Variants in MPDZ observed in about 807,000 individuals in gnomAD.
MPDZ encodes multiple PDZ domain crumbs cell polarity complex component.
In MPDZ, 234 loss-of-function variants were observed where a neutral mutation model predicts 239.1. The observed-to-expected ratio is 0.98, with a 90% confidence interval of 0.88 to 1.09. The LOEUF is 1.09. MPDZ is among the 50% of genes least tolerant of loss of function. The pLI is 0.00. For synonymous variants in MPDZ, 1,048 were observed against 881.3 expected, an observed-to-expected ratio of 1.19 and a Z score of -3.35; for missense variants, 3,175 against 2,510.0, an observed-to-expected ratio of 1.26 and a Z score of -5.66.
intron 25 of MPDZ, 98 bp from the exon 26 acceptor site, chr9:13,147,756 G>A: frequency 1.2e-6 from 1 of 827,252 alleles, no homozygotes; most frequent in Non-Finnish European, 1.9e-6. Flanking sequence ...TAGACTCCTA[G>A]AAAATCTGTT....
intron 3 of MPDZ, among the ~76,000 whole-genome samples, chr9:13,242,215 CTTTTTTTTTTTTTT>C (rs145555644): frequency 9.8e-5 from 5 of 50,792 alleles, no homozygotes; most frequent in Admixed American, 3.6e-4. Flanking sequence ...TGTTAGGATG[CTTTTTTTTTTTTTT>C]TTTTTTTTTT....
chr9:13,113,906 G>A (rs776220471), intron 41 of MPDZ, 25 bp downstream of exon 41: 8 of 1,542,124 alleles, frequency 5.2e-6, no homozygotes, highest in Admixed American at 3.8e-5. Context: ...TTCAAACCAT[G>A]TTTAAAATAC....
chr9:13,165,292 C>T, intron 22 of MPDZ: 2 of 1,487,594 alleles, frequency 1.3e-6, no homozygotes, highest in African/African-American at 1.4e-5. Context: ...TGGGACATTA[C>T]AAAAGCACAA....
intron 15 of MPDZ, among the ~76,000 whole-genome samples, chr9:13,190,643 G>C (rs1453280950): frequency 1.3e-5 from 2 of 151,984 alleles, no homozygotes; most frequent in African/African-American, 4.8e-5. Flanking sequence ...AAGCTATTTT[G>C]ATATTAAATA....
intron 18 of MPDZ, among the ~76,000 whole-genome samples, chr9:13,185,595 T>C (rs993657161): frequency 6.6e-6 from 1 of 152,130 alleles, no homozygotes; most frequent in Non-Finnish European, 1.5e-5. Context: ...AAATGTCACA[T>C]GTATATTCAT....
chr9:13,188,642 T>C, intron 17 of MPDZ, 142 bp downstream of exon 17: 1 of 594,378 alleles, frequency 1.7e-6, no homozygotes, highest in Non-Finnish European at 2.9e-6. Flanking sequence ...ACTAAATCTT[T>C]ATACGAATGG....
intron 21 of MPDZ, 32 bp downstream of exon 21, chr9:13,175,720 G>A: frequency 1.5e-6 from 2 of 1,349,874 alleles, no homozygotes; most frequent in Non-Finnish European, 1.0e-6. Context: ...GGGGGTTGAG[G>A]AGTAGGTATA....
rs139867398 is a variant in MPDZ, at chr9:13,147,995, C to A, written c.3631-337G>T. Among the ~76,000 whole-genome samples the A allele has an allele frequency of 8.6e-3, 1,302 of 152,104 alleles. 18 individuals are homozygous for A. Among genetic ancestry groups the A allele is most frequent in the African/African-American group, 0.03 (1,235 of 41,524 alleles). ...AAAATTATATGAGGGAACTATCTAGCAGCACTGTCTTCATCATGAAAGTCA... is the reference window on the plus strand; with the variant it reads ...AAAATTATATGAGGGAACTATCTAGAAGCACTGTCTTCATCATGAAAGTCA... On this transcript the variant is annotated intron_variant, in intron 25 of 46. Coordinates refer to ENST00000319217, the MANE Select transcript of MPDZ (RefSeq NM_001378778.1).
intron 19 of MPDZ, among the ~76,000 whole-genome samples, chr9:13,179,396 C>A (rs898896916): frequency 6.6e-6 from 1 of 152,130 alleles, no homozygotes; most frequent in East Asian, 1.9e-4. Flanking sequence ...CAAAAGAGGT[C>A]AAGTCGCCCT....
chr9:13,186,485 G>C, intron 17 of MPDZ, 99 bp from the exon 18 acceptor site: 3 of 776,938 alleles, frequency 3.9e-6, no homozygotes, highest in Non-Finnish European at 6.4e-6. Flanking sequence ...AGGGGGGCGA[G>C]AAGAGAAAGA....
intron 21 of MPDZ, among the ~76,000 whole-genome samples, chr9:13,173,194 G>T (rs953388687): frequency 6.6e-6 from 1 of 152,150 alleles, no homozygotes; most frequent in African/African-American, 2.4e-5. Flanking sequence ...GAGATGGATG[G>T]TGATGATGGC....
At chr9:13,132,532 G>C (rs927334977) in intron 32 of MPDZ, among the ~76,000 whole-genome samples, 2 of 152,076 alleles carry the variant, frequency 1.3e-5, no homozygotes, top group African/African-American at 4.8e-5. Flanking sequence ...AAATAGATGT[G>C]GAAACAGAAA....
intron 22 of MPDZ, among the ~76,000 whole-genome samples, chr9:13,167,238 A>T (rs1185329156): frequency 6.6e-6 from 1 of 152,098 alleles, no homozygotes. Flanking sequence ...ATTTTTAATG[A>T]TGTTTACTTG....
chr9:13,212,000 C>T (rs942002629), intron 10 of MPDZ, among the ~76,000 whole-genome samples: 2 of 151,854 alleles, frequency 1.3e-5, no homozygotes, highest in Non-Finnish European at 2.9e-5. Flanking sequence ...AAAAAAATGG[C>T]AAAAATCTCC....
chr9:13,193,093 T>A (rs1263507375), intron 14 of MPDZ, 74 bp downstream of exon 14: 7 of 1,296,180 alleles, frequency 5.4e-6, no homozygotes, highest in Non-Finnish European at 1.0e-6. Flanking sequence ...TGAGAATTTA[T>A]TCACCACATT....
intron 1 of MPDZ, among the ~76,000 whole-genome samples, chr9:13,275,683 G>C (rs147589182): frequency 8.5e-5 from 13 of 152,252 alleles, no homozygotes; most frequent in African/African-American, 3.1e-4. Flanking sequence ...ACTCTCAGAA[G>C]GAAATGTGAC....
intron 12 of MPDZ, among the ~76,000 whole-genome samples, chr9:13,201,238 C>T (rs1956351248): frequency 6.6e-6 from 1 of 151,928 alleles, no homozygotes; most frequent in African/African-American, 2.4e-5. Flanking sequence ...GCCACTCCTG[C>T]TCTTCATTTT....
chr9:13,147,485 T>C, intron 26 of MPDZ, 63 bp downstream of exon 26: 1 of 1,252,726 alleles, frequency 8.0e-7, no homozygotes, highest in Non-Finnish European at 1.2e-6. Context: ...TGGCCCTTGA[T>C]ACATTAGATT....
chr9:13,175,892 G>C lies in MPDZ; in HGVS notation c.2932-17C>G, dbSNP rs148104023. 6.3e-7 allele frequency: 1 copy of C among 1,576,368 alleles called. No homozygotes were observed. The highest frequency in any genetic ancestry group is 1.2e-5 in the South Asian group (1 of 83,698). ...CTCAGAGCCCTTTAAGAAAGAAAAAGAAGTCACAAGTCACATGGAAAGGGA... is the reference window on the plus strand; with the variant it reads ...CTCAGAGCCCTTTAAGAAAGAAAAACAAGTCACAAGTCACATGGAAAGGGA... On this transcript the variant is annotated splice_polypyrimidine_tract_variant and intron_variant, in intron 20 of 46. Coordinates refer to ENST00000319217, the MANE Select transcript of MPDZ (RefSeq NM_001378778.1).
Sources: allele counts gnomAD v4.1 joint callset (sites outside exome capture counted in the v4.1 genomes callset), GRCh38; gene constraint gnomAD v4.1.1; transcripts MANE v1.5; gene names NCBI Gene and HGNC (gene_info 2026-07-23, HGNC 2026-07-21).